AKAP13: variants seen among roughly 807,000 people sequenced by gnomAD.
AKAP13 encodes A-kinase anchor protein 13.
Under a neutral mutation model 264.5 loss-of-function variants are expected in AKAP13, and 80 were observed. The ratio of observed to expected loss-of-function variants is 0.30; its 90% CI spans 0.25 to 0.36. AKAP13 has a LOEUF of 0.36. Among genes scored for constraint, AKAP13 ranks in the 10% least tolerant of loss-of-function variants. The pLI, the probability that AKAP13 is intolerant of heterozygous loss-of-function variation, is 1.00. For synonymous variants in AKAP13, 1,380 were observed against 1,250.2 expected, an observed-to-expected ratio of 1.10 and a Z score of -2.19; for missense variants, 3,712 against 3,435.2, an observed-to-expected ratio of 1.08 and a Z score of -2.01.
chr15:85,704,048 A>C (rs966275740), intron 17 of AKAP13, among the ~76,000 whole-genome samples: 1 of 152,056 alleles, frequency 6.6e-6, no homozygotes, highest in African/African-American at 2.4e-5. Context: ...TGATAGGAGA[A>C]AGTTGTGCAT....
At chr15:85,740,776 C>CA (rs2088912044) in intron 34 of AKAP13, among the ~76,000 whole-genome samples, 2 of 16,022 alleles carry the variant, frequency 1.2e-4, no homozygotes, top group Non-Finnish European at 2.0e-4. Context: ...CACACAACCA[C>CA]CCCCCCCCCC....
At chr15:85,480,235 G>A (rs763386186) in intron 1 of AKAP13, among the ~76,000 whole-genome samples, 1 of 152,130 alleles carries the variant, frequency 6.6e-6, no homozygotes, top group Non-Finnish European at 1.5e-5. Context: ...ACCCACCAGC[G>A]TATTTTAAGA....
chr15:85,667,662 A>C (rs1251836808), intron 13 of AKAP13, among the ~76,000 whole-genome samples: 1 of 152,258 alleles, frequency 6.6e-6, no homozygotes, highest in Non-Finnish European at 1.5e-5. Flanking sequence ...ATTTAGCTCC[A>C]GCTCATTTAA....
At chr15:85,504,525 A>AAAAAAAAAAAG (rs2076141303) in intron 2 of AKAP13, among the ~76,000 whole-genome samples, 1 of 145,934 alleles carries the variant, frequency 6.9e-6, no homozygotes, top group African/African-American at 2.6e-5. Flanking sequence ...AAAAAAAAAA[A>AAAAAAAAAAAG]AAAAAAAAAA....
intron 1 of AKAP13, among the ~76,000 whole-genome samples, chr15:85,442,351 A>C (rs2073690760): frequency 6.8e-6 from 1 of 146,478 alleles, no homozygotes; most frequent in Non-Finnish European, 1.5e-5. Flanking sequence ...CGGAGGTTGC[A>C]GTGAGCCGAG....
intron 14 of AKAP13, among the ~76,000 whole-genome samples, chr15:85,671,738 G>A (rs572147773): frequency 2.2e-4 from 33 of 151,994 alleles, no homozygotes; most frequent in African/African-American, 7.7e-4. Flanking sequence ...AAGCCAGAAT[G>A]CTAGCACTCA....
At chr15:85,650,454 T>A (rs537451924) in intron 10 of AKAP13, among the ~76,000 whole-genome samples, 1 of 150,238 alleles carries the variant, frequency 6.7e-6, no homozygotes, top group East Asian at 2.0e-4. Flanking sequence ...AGTAAATGTA[T>A]TTACAGAATC....
intron 7 of AKAP13, among the ~76,000 whole-genome samples, chr15:85,584,236 C>A (rs1407858650): frequency 1.3e-5 from 2 of 152,182 alleles, no homozygotes; most frequent in Non-Finnish European, 2.9e-5. Flanking sequence ...TGGCCCTTGA[C>A]CCACCAAAAG....
At chr15:85,464,884 C>T (rs2074664401) in intron 1 of AKAP13, among the ~76,000 whole-genome samples, 1 of 151,762 alleles carries the variant, frequency 6.6e-6, no homozygotes, top group East Asian at 2.0e-4. Context: ...AGAGACTAAA[C>T]TGTAGTTTTC....
chr15:85,534,019 G>A, intron 4 of AKAP13, 139 bp downstream of exon 4: 1 of 974,690 alleles, frequency 1.0e-6, no homozygotes, highest in Non-Finnish European at 1.5e-6. Flanking sequence ...CTGTAGGAAA[G>A]TGGCCTCAAT....
chr15:85,449,762 A>T (rs2074019469), intron 1 of AKAP13, among the ~76,000 whole-genome samples: 1 of 152,190 alleles, frequency 6.6e-6, no homozygotes. Flanking sequence ...ACTGGGGATG[A>T]AGCTTACTTG....
intron 13 of AKAP13, among the ~76,000 whole-genome samples, chr15:85,669,105 G>A (rs537762741): frequency 1.1e-3 from 174 of 152,220 alleles, no homozygotes; most frequent in African/African-American, 3.8e-3. Flanking sequence ...GCGTGGTGGC[G>A]CGCACCTGTA....
In AKAP13 at chr15:85,708,221, A is replaced by T; in HGVS notation, c.5532+135A>T. 2.8e-6 allele frequency: 2 copies of T among 723,260 alleles called. No homozygotes were observed. Among genetic ancestry groups the T allele is most frequent in the Non-Finnish European group, 4.4e-6 (2 of 457,842 alleles). The allele number at this position is 723,260 out of a possible 1,614,324, so 44.8% of individuals were successfully genotyped here. A position where few individuals can be genotyped will look rare whatever the true frequency, so the allele number is the denominator to read the frequency against. ...TTGGTACCAACTTTGAGAACAAATT[A>T]TAACTAAAAAATATTTTTTCTCTTA... On this transcript the variant is annotated intron_variant, in intron 18 of 36. Transcript: ENST00000394518. This position sits in a 1 kb window ranked among gnomAD's most constrained non-coding sequence, Gnocchi z 4.3.
intron 8 of AKAP13, among the ~76,000 whole-genome samples, chr15:85,611,898 C>T (rs1238401077): frequency 6.6e-6 from 1 of 152,160 alleles, no homozygotes; most frequent in African/African-American, 2.4e-5. Flanking sequence ...CATATACACC[C>T]TTTGCCTGGT....
At chr15:85,466,661 C>T (rs2074752922) in intron 1 of AKAP13, among the ~76,000 whole-genome samples, 1 of 152,198 alleles carries the variant, frequency 6.6e-6, no homozygotes. Context: ...TTGTATCCCT[C>T]TTCCCATTTG....
rs1373217313 is a variant in AKAP13 at position 85,581,065 on chromosome 15, G to C, written c.2997G>C (p.Lys999Asn). ...AFLKAETEHN[K>N]EVAPQVSLLT... Reference sequence around the variant, plus strand: ...TTAAGGCAGAAACTGAACATAACAAGGAAGTGGCCCCACAAGTCTCACTGC... The same window carrying C: ...TTAAGGCAGAAACTGAACATAACAACGAAGTGGCCCCACAAGTCTCACTGC... Residue 999 changes from lysine (K) to asparagine (N), a missense_variant, in exon 7 of 37, where the codon AAG (lysine) becomes AAC (asparagine). By Grantham distance (94) the Lys-to-Asn change is moderately conservative. Transcript: ENST00000394518. The C allele has an allele frequency of 6.2e-7, 1 of 1,614,036 alleles. No individual in the cohort carries two copies. The highest frequency in any genetic ancestry group is 1.7e-5 in the Admixed American group (1 of 60,024).
At chr15:85,638,467 T>A (rs1261708953) in intron 8 of AKAP13, among the ~76,000 whole-genome samples, 1 of 152,018 alleles carries the variant, frequency 6.6e-6, no homozygotes, top group Non-Finnish European at 1.5e-5. Context: ...TTGGGTGGAG[T>A]GTTCTATATT....
chr15:85,654,459 CAGAT>C (rs1212138936), intron 10 of AKAP13, among the ~76,000 whole-genome samples: 1 of 152,090 alleles, frequency 6.6e-6, no homozygotes, highest in African/African-American at 2.4e-5. Flanking sequence ...AACCCAGAGA[CAGAT>C]GGATTCCCTT....
chr15:85,402,921 TGTGAGAC>T (rs1351196209), intron 1 of AKAP13, among the ~76,000 whole-genome samples: 1 of 152,254 alleles, frequency 6.6e-6, no homozygotes, highest in African/African-American at 2.4e-5. Flanking sequence ...GTTTTGTAGC[TGTGAGAC>T]GTTTTTAATA....
Sources: allele counts gnomAD v4.1 joint callset (sites outside exome capture counted in the v4.1 genomes callset), GRCh38; gene constraint gnomAD v4.1.1; non-coding constraint Gnocchi (gnomAD v3.1); transcripts MANE v1.5; gene names NCBI Gene and HGNC (gene_info 2026-07-23, HGNC 2026-07-21).